CALN1: variants seen among roughly 807,000 people sequenced by gnomAD.
CALN1 encodes calneuron 1.
CALN1 carries 17 observed loss-of-function variants against 30.6 expected under a neutral mutation model. That is an observed-to-expected ratio of 0.56 (90% CI 0.38 to 0.83). The LOEUF is 0.83. Among genes scored for constraint, CALN1 ranks in the 40% least tolerant of loss-of-function variants. The pLI, the probability that CALN1 is intolerant of heterozygous loss-of-function variation, is 0.00. For synonymous variants in CALN1, 156 were observed against 131.4 expected, an observed-to-expected ratio of 1.19 and a Z score of -1.28; for missense variants, 291 against 354.9, an observed-to-expected ratio of 0.82 and a Z score of 1.45.
the CALN1 span, among the ~76,000 whole-genome samples, chr7:72,492,303 G>C: frequency 6.6e-6 from 1 of 152,196 alleles, no homozygotes; most frequent in African/African-American, 2.4e-5. Context: ...CATACCCAAG[G>C]TCAGAGAGTT....
At chr7:72,374,663 A>C (rs545266516) in intron 2 of CALN1, among the ~76,000 whole-genome samples, 1 of 152,328 alleles carries the variant, frequency 6.6e-6, no homozygotes, top group East Asian at 1.9e-4. Flanking sequence ...ATTTTAATGA[A>C]AGATGAATGC....
intron 5 of CALN1, among the ~76,000 whole-genome samples, chr7:71,820,674 A>G (rs1319626655): frequency 6.6e-6 from 1 of 152,214 alleles, no homozygotes; most frequent in Non-Finnish European, 1.5e-5. Context: ...CGGTAATTCT[A>G]TGTTTAAATT....
intron 3 of CALN1, among the ~76,000 whole-genome samples, chr7:72,171,821 T>C (rs1788990122): frequency 6.6e-6 from 1 of 152,152 alleles, no homozygotes; most frequent in South Asian, 2.1e-4. Flanking sequence ...GAAATAGTAA[T>C]AATGTTTACC....
At chr7:72,350,616 C>T (rs1227917628) in intron 2 of CALN1, among the ~76,000 whole-genome samples, 8 of 151,910 alleles carry the variant, frequency 5.3e-5, no homozygotes, top group African/African-American at 1.9e-4. Context: ...CAACAGACAC[C>T]AGGGCCTATT....
intron 4 of CALN1, among the ~76,000 whole-genome samples, chr7:72,079,769 T>TTTTTTTTTTC: frequency 1.1e-5 from 1 of 91,950 alleles, no homozygotes; most frequent in African/African-American, 4.3e-5. Context: ...TCCTTTTTTT[T>TTTTTTTTTTC]TTTTTTTTTT....
intron 5 of CALN1, among the ~76,000 whole-genome samples, chr7:72,013,576 C>T (rs1446490280): frequency 6.6e-6 from 1 of 152,004 alleles, no homozygotes; most frequent in African/African-American, 2.4e-5. Context: ...GTTAACTTTA[C>T]TGAATAATAA....
At chr7:71,884,902 T>C (rs12669224) in intron 5 of CALN1, among the ~76,000 whole-genome samples, 19,100 of 152,148 alleles carry the variant, frequency 0.13, 1,777 homozygotes, top group East Asian at 0.43. Context: ...CCTAAAAAGA[T>C]TAACTAAAAT....
chr7:72,021,586 T>C (rs938552731), intron 5 of CALN1, among the ~76,000 whole-genome samples: 4 of 152,136 alleles, frequency 2.6e-5, no homozygotes, highest in Non-Finnish European at 5.9e-5. Flanking sequence ...TTCTGGATCC[T>C]AACAACAGTT....
At chr7:71,811,634 C>T (rs1246208477) in intron 5 of CALN1, among the ~76,000 whole-genome samples, 1 of 151,640 alleles carries the variant, frequency 6.6e-6, no homozygotes, top group African/African-American at 2.4e-5. Context: ...TGTACTTTTC[C>T]ACTCCATTTA....
At chr7:72,313,630 C>A (rs1800215041) in intron 2 of CALN1, among the ~76,000 whole-genome samples, 1 of 152,240 alleles carries the variant, frequency 6.6e-6, no homozygotes, top group East Asian at 1.9e-4. Context: ...ACTCCTGGCT[C>A]AAGCAATCCT....
At chr7:72,493,139 C>T in the CALN1 span, among the ~76,000 whole-genome samples, 1 of 152,038 alleles carries the variant, frequency 6.6e-6, no homozygotes, top group Non-Finnish European at 1.5e-5. Context: ...CCCAGTCTCC[C>T]GCCATCTCCC....
chr7:72,367,988 C>T (rs2129560150), intron 2 of CALN1, among the ~76,000 whole-genome samples: 1 of 151,924 alleles, frequency 6.6e-6, no homozygotes, highest in Admixed American at 6.6e-5. Flanking sequence ...AAAAAATTAT[C>T]TGGGCATGGT....
intron 4 of CALN1, among the ~76,000 whole-genome samples, chr7:72,030,088 A>T (rs1801337963): frequency 6.6e-6 from 1 of 152,240 alleles, no homozygotes; most frequent in Non-Finnish European, 1.5e-5. Flanking sequence ...AATTCAATTT[A>T]ATTGTAGGAC....
chr7:72,470,779 G>A, the CALN1 span, among the ~76,000 whole-genome samples: 3 of 152,172 alleles, frequency 2.0e-5, no homozygotes, highest in African/African-American at 7.2e-5. Flanking sequence ...GAACACGTGA[G>A]CAGGGGAAGC....
Position 72,196,119 on chromosome 7 carries a change from C to CT in CALN1, c.244+82566dup, listed in dbSNP as rs879574482. On this transcript the variant is annotated intron_variant, in intron 3 of 6. Coordinates refer to ENST00000395275, the MANE Select transcript of CALN1 (RefSeq NM_031468.4). The stretch of plus-strand genomic sequence containing the variant: ...GGGGTATTAAGTTTCTTTTTCTTTT[C>CT]TTTTTTTTTTTTAGACAGGGTCTCG... 1.1e-3 allele frequency among the ~76,000 whole-genome samples: 160 copies of CT among 143,328 alleles called. No homozygotes were observed. The Middle Eastern group carries it at 0.014, about 13-fold the overall frequency. 94.0% of individuals were successfully genotyped at this position (143,328 alleles called of 152,430 possible).
Position 72,208,628 on chromosome 7 carries a change from C to T in CALN1, c.244+70058G>A, listed in dbSNP as rs567046582. ...GCAGAATGCCTGGAGACTTTTATTC[C>T]TTCTTCTTGCTTTTCCGTATTTTCC... On this transcript the variant is annotated intron_variant, in intron 3 of 6. Transcript: ENST00000395275. 1.8e-4 allele frequency among the ~76,000 whole-genome samples: 28 copies of T among 152,232 alleles called. No individual in the cohort carries two copies. In the Middle Eastern group the frequency reaches 0.01, roughly 56 times the overall value.
At chr7:72,365,365 GTA>G (rs1294252494) in intron 2 of CALN1, among the ~76,000 whole-genome samples, 1 of 152,106 alleles carries the variant, frequency 6.6e-6, no homozygotes, top group Non-Finnish European at 1.5e-5. Context: ...TATATCTTCA[GTA>G]TGTACAGAAC....
chr7:72,494,448 A>G, the CALN1 span, among the ~76,000 whole-genome samples: 237 of 152,324 alleles, frequency 1.6e-3, no homozygotes, highest in African/African-American at 5.2e-3. Context: ...TAACGCAAAG[A>G]TAGGCAGTGA....
intron 3 of CALN1, among the ~76,000 whole-genome samples, chr7:72,128,469 C>G (rs1808920139): frequency 6.6e-6 from 1 of 152,112 alleles, no homozygotes; most frequent in Non-Finnish European, 1.5e-5. Context: ...AAAACAAACT[C>G]ATAATTCCTA....
Sources: allele counts gnomAD v4.1 joint callset (sites outside exome capture counted in the v4.1 genomes callset), GRCh38; gene constraint gnomAD v4.1.1; transcripts MANE v1.5; gene names NCBI Gene and HGNC (gene_info 2026-07-23, HGNC 2026-07-21).